The following ABHD17C variants were observed in gnomAD, a reference collection of about 807,000 sequenced individuals.
The protein encoded by ABHD17C is alpha/beta hydrolase domain-containing protein 17C.
In ABHD17C, 11 loss-of-function variants were observed where a neutral mutation model predicts 27.9. That is an observed-to-expected ratio of 0.39 (90% confidence interval 0.25 to 0.65). ABHD17C has a LOEUF of 0.65. Among genes scored for constraint, ABHD17C ranks in the 30% least tolerant of loss-of-function variants. The pLI is 0.45. For missense variants in ABHD17C, 280 were observed against 470.2 expected, an observed-to-expected ratio of 0.60 and a Z score of 3.74; for synonymous variants, 233 against 209.1, an observed-to-expected ratio of 1.11 and a Z score of -0.98.
At chr15:80,753,098 G>A (rs1895385378) in intron 2 of ABHD17C, among the ~76,000 whole-genome samples, 3 of 152,104 alleles carry the variant, frequency 2.0e-5, no homozygotes, top group Admixed American at 2.0e-4. Flanking sequence ...CTGAAGACTT[G>A]AGTGGCAGCA....
At chr15:80,750,388 C>T (rs1380800141) in intron 2 of ABHD17C, among the ~76,000 whole-genome samples, 2 of 152,004 alleles carry the variant, frequency 1.3e-5, no homozygotes, top group African/African-American at 2.4e-5. Flanking sequence ...AATATTTTGC[C>T]CCTTATGCTT....
At chr15:80,731,005 G>A (rs762372465) in intron 1 of ABHD17C, among the ~76,000 whole-genome samples, 25 of 152,134 alleles carry the variant, frequency 1.6e-4, no homozygotes, top group Non-Finnish European at 2.4e-4. Context: ...ATATAATGTT[G>A]AAGTTACTTC....
intron 1 of ABHD17C, among the ~76,000 whole-genome samples, chr15:80,696,758 G>T (rs1478721370): frequency 6.6e-6 from 1 of 152,186 alleles, no homozygotes; most frequent in African/African-American, 2.4e-5. Flanking sequence ...CCATCTGTGA[G>T]CCAGGCACAA....
chr15:80,722,339 T>TA (rs1465909949), intron 1 of ABHD17C, among the ~76,000 whole-genome samples: 2 of 150,790 alleles, frequency 1.3e-5, no homozygotes, highest in Non-Finnish European at 3.0e-5. Context: ...TTTTTTTTTT[T>TA]AATGTTTCCC....
intron 1 of ABHD17C, among the ~76,000 whole-genome samples, chr15:80,712,501 G>A (rs1531894): frequency 0.97 from 147,115 of 152,292 alleles, 71,274 homozygotes; most frequent in East Asian, 1. Flanking sequence ...CTGGACTTCT[G>A]TATAGAAGAC....
At chr15:80,723,226 G>A (rs1032750717) in intron 1 of ABHD17C, among the ~76,000 whole-genome samples, 1 of 151,758 alleles carries the variant, frequency 6.6e-6, no homozygotes, top group Admixed American at 6.6e-5. Flanking sequence ...ATAAACCTGT[G>A]TTTTTCATTG....
At chr15:80,709,190 TA>T (rs553121085) in intron 1 of ABHD17C, among the ~76,000 whole-genome samples, 176 of 151,248 alleles carry the variant, frequency 1.2e-3, no homozygotes, top group African/African-American at 4.1e-3. Flanking sequence ...TATAGTTTTT[TA>T]AAAAAAAGCT....
At chr15:80,726,171 C>G (rs1319337511) in intron 1 of ABHD17C, among the ~76,000 whole-genome samples, 1 of 152,224 alleles carries the variant, frequency 6.6e-6, no homozygotes, top group African/African-American at 2.4e-5. Context: ...ATCGCTCATG[C>G]TATTGTTTGT....
At chr15:80,748,830 C>T (rs1191951238) in intron 1 of ABHD17C, among the ~76,000 whole-genome samples, 1 of 151,450 alleles carries the variant, frequency 6.6e-6, no homozygotes, top group Non-Finnish European at 1.5e-5. Context: ...GTCACTTCTG[C>T]TGACATGCGG....
chr15:80,714,936 T>G (rs1472693597), intron 1 of ABHD17C, among the ~76,000 whole-genome samples: 2 of 152,198 alleles, frequency 1.3e-5, no homozygotes, highest in African/African-American at 4.8e-5. Context: ...TGTCAGGTGT[T>G]GGGCTAAGTG....
intron 1 of ABHD17C, among the ~76,000 whole-genome samples, chr15:80,707,660 A>C (rs923000): frequency 0.32 from 48,449 of 151,898 alleles, 9,465 homozygotes; most frequent in Non-Finnish European, 0.45. Flanking sequence ...TCCTGGGCCG[A>C]GGGTTGGACA....
chr15:80,749,569 C>G lies in ABHD17C; in HGVS notation c.647C>G (p.Pro216Arg). 6.2e-7 allele frequency: 1 copy of G among 1,613,956 alleles called. No homozygotes were observed. Among genetic ancestry groups the G allele is most frequent in the Non-Finnish European group, 8.5e-7 (1 of 1,179,876 alleles). Residue 216 changes from proline (P) to arginine (R), a missense_variant, in exon 2 of 3, where the codon CCC (proline) becomes CGC (arginine). Physicochemically the swap from Pro to Arg is moderately radical, Grantham distance 103. Around this residue, in one of 2 missense-constraint regions of ABHD17C, gnomAD observed 206 missense variants for 394.7 expected, o/e 0.52. Transcript: ENST00000258884. ...TATGGTCAGAGCATTGGGACTGTCC[C>G]CACGGTAGACTTGGCCTCGAGGTAT... Reference protein sequence around the residue: ...ILYGQSIGTVPTVDLASRYEC... With the variant: ...ILYGQSIGTVRTVDLASRYEC...
At chr15:80,735,160 C>A (rs1480183433) in intron 1 of ABHD17C, among the ~76,000 whole-genome samples, 1 of 152,146 alleles carries the variant, frequency 6.6e-6, no homozygotes, top group African/African-American at 2.4e-5. Context: ...ACATAGATAT[C>A]CAGTTTCAGG....
chr15:80,727,683 C>T (rs1298257620), intron 1 of ABHD17C, among the ~76,000 whole-genome samples: 1 of 151,914 alleles, frequency 6.6e-6, no homozygotes, highest in Non-Finnish European at 1.5e-5. Context: ...GGTCTGTGAG[C>T]GTTCCCAAGG....
chr15:80,729,000 T>C (rs552305541), intron 1 of ABHD17C, among the ~76,000 whole-genome samples: 46 of 152,364 alleles, frequency 3.0e-4, no homozygotes, highest in African/African-American at 9.9e-4. Context: ...GGCAAGACTT[T>C]AAAAGCAGCC....
chr15:80,710,575 G>A (rs1202493321), intron 1 of ABHD17C, among the ~76,000 whole-genome samples: 15 of 152,160 alleles, frequency 9.9e-5, no homozygotes, highest in African/African-American at 3.4e-4. Context: ...TAGCAACAGC[G>A]GTGGTGAGAT....
chr15:80,713,241 C>A (rs925678549), intron 1 of ABHD17C, among the ~76,000 whole-genome samples: 2 of 151,608 alleles, frequency 1.3e-5, no homozygotes, highest in Non-Finnish European at 2.9e-5. Flanking sequence ...GCCGTGGTAA[C>A]AGTGTCCTGC....
At chr15:80,732,227 CT>C (rs34834548) in intron 1 of ABHD17C, among the ~76,000 whole-genome samples, 1 of 152,186 alleles carries the variant, frequency 6.6e-6, no homozygotes, top group Non-Finnish European at 1.5e-5. Flanking sequence ...TTGCCCCAGA[CT>C]TTTTAGCTGC....
intron 1 of ABHD17C, among the ~76,000 whole-genome samples, chr15:80,696,876 G>A (rs1596056362): frequency 6.6e-6 from 1 of 152,148 alleles, no homozygotes; most frequent in Non-Finnish European, 1.5e-5. Flanking sequence ...TGCAGGTCAG[G>A]TTACCTGTTT....
Sources: gnomAD v4.1 joint callset for allele counts (sites outside exome capture counted in the v4.1 genomes callset) on GRCh38, gnomAD v4.1.1 for gene constraint, gnomAD v4.1.1 regional missense constraint, MANE v1.5 for transcripts, NCBI Gene and HGNC (gene_info 2026-07-23, HGNC 2026-07-21) for gene names.